The following FANCI variants were observed in gnomAD, a reference collection of about 807,000 sequenced individuals.
The protein encoded by FANCI is Fanconi anemia group I protein.
FANCI carries 156 observed loss-of-function variants against 176.1 expected under a neutral mutation model. The ratio of observed to expected loss-of-function variants is 0.89; its 90% CI spans 0.78 to 1.01. The LOEUF (loss-of-function observed/expected upper bound fraction) is 1.01, where lower values mean the gene tolerates loss of function less well. Among genes scored for constraint, FANCI ranks in the 50% least tolerant of loss-of-function variants. The probability of loss-of-function intolerance (pLI) is 0.00; values close to 1 mark genes in which losing one functional copy is unlikely to be tolerated. For missense variants in FANCI, 1,678 were observed against 1,534.1 expected, an observed-to-expected ratio of 1.09 and a Z score of -1.57; for synonymous variants, 613 against 541.7, an observed-to-expected ratio of 1.13 and a Z score of -1.83.
intron 13 of FANCI, 146 bp from the exon 14 acceptor site, chr15:89,278,539 TTC>T (rs2053491952): frequency 1.5e-6 from 1 of 670,714 alleles, no homozygotes; most frequent in Non-Finnish European, 2.7e-6. Context: ...AGTTGAGTGA[TTC>T]TGTCTTTCCA....
At position 89,290,864 on chromosome 15, in the gene FANCI, T is replaced by A. The variant is rs2054037671; in HGVS notation, c.1890+583T>A. On this transcript the variant is annotated intron_variant, in intron 19 of 37. Coordinates refer to ENST00000310775, the MANE Select transcript of FANCI (RefSeq NM_001113378.2). ...TATGAAATTTCATTTAAAATTAAGGTCTCAGATGTGTGAAATTATTGGAAG... is the reference window on the plus strand; with the variant it reads ...TATGAAATTTCATTTAAAATTAAGGACTCAGATGTGTGAAATTATTGGAAG... 3.3e-5 allele frequency among the ~76,000 whole-genome samples: 5 copies of A among 152,188 alleles called. No homozygotes were observed. In the South Asian group the frequency reaches 1.0e-3, roughly 31 times the overall value.
At chr15:89,274,984 T>C (rs1200391264) in intron 12 of FANCI, among the ~76,000 whole-genome samples, 3 of 151,942 alleles carry the variant, frequency 2.0e-5, no homozygotes, top group South Asian at 2.1e-4. Flanking sequence ...GGCTCTATTA[T>C]AGCACGGTAA....
At position 89,264,511 on chromosome 15, in the gene FANCI, A is replaced by G; in HGVS notation, c.670-11A>G. ...AATTGGGAGACCTTACCAATTTTGT[A>G]TTGTTTTCAGGGAAGCAGAAAGAGT... On this transcript the variant is annotated splice_polypyrimidine_tract_variant and intron_variant, in intron 8 of 37. Transcript: ENST00000310775. The G allele has an allele frequency of 6.2e-7, 1 of 1,612,834 alleles. No individual in the cohort carries two copies. Among genetic ancestry groups the G allele is most frequent in the Non-Finnish European group, 8.5e-7 (1 of 1,179,006 alleles).
intron 35 of FANCI, among the ~76,000 whole-genome samples, chr15:89,314,179 G>GACACACAC (rs112695755): frequency 2.5e-5 from 3 of 119,916 alleles, no homozygotes; most frequent in African/African-American, 9.5e-5. Context: ...TAGGGGGAAA[G>GACACACAC]ACACACACAC....
At chr15:89,311,652 A>C (rs1179046976) in intron 34 of FANCI, among the ~76,000 whole-genome samples, 1 of 152,150 alleles carries the variant, frequency 6.6e-6, no homozygotes, top group Non-Finnish European at 1.5e-5. Flanking sequence ...TCCAGGGCCA[A>C]AAACAGATTA....
intron 6 of FANCI, among the ~76,000 whole-genome samples, chr15:89,262,981 C>A (rs12915285): frequency 0.46 from 69,789 of 152,164 alleles, 16,848 homozygotes; most frequent in African/African-American, 0.62. Flanking sequence ...GGATCCTCCT[C>A]CTTTGGCCTC....
intron 17 of FANCI, 53 bp downstream of exon 17, chr15:89,283,303 G>A (rs556480802): frequency 2.5e-6 from 4 of 1,610,856 alleles, no homozygotes; most frequent in East Asian, 4.5e-5. Context: ...CATGTGCATC[G>A]ATGAAATGCA....
At chr15:89,309,596 G>A (rs1400561760) in intron 34 of FANCI, among the ~76,000 whole-genome samples, 1 of 151,994 alleles carries the variant, frequency 6.6e-6, no homozygotes, top group African/African-American at 2.4e-5. Flanking sequence ...CCAGGTGTTT[G>A]CCTATAGTCC....
chr15:89,245,334 A>ATTTTTTTTTTTTTTTTTTT (rs869076373), intron 1 of FANCI: 3 of 36,148 alleles, frequency 8.3e-5, no homozygotes, highest in Non-Finnish European at 1.7e-4. Flanking sequence ...ACGCCCAGCT[A>ATTTTTTTTTTTTTTTTTTT]TTTTTTTTTT....
chr15:89,315,482 G>A, intron 37 of FANCI, 93 bp downstream of exon 37: 3 of 840,598 alleles, frequency 3.6e-6, no homozygotes, highest in Non-Finnish European at 6.1e-6. Flanking sequence ...AAGGGCAACA[G>A]AATGGGAAAG....
intron 9 of FANCI, among the ~76,000 whole-genome samples, chr15:89,265,204 T>G (rs2052888499): frequency 6.6e-6 from 1 of 152,126 alleles, no homozygotes; most frequent in Admixed American, 6.5e-5. Context: ...GGGTTTTTTT[T>G]GTTTCATTTT....
intron 9 of FANCI, among the ~76,000 whole-genome samples, chr15:89,267,555 T>C (rs954430788): frequency 3.3e-5 from 5 of 152,010 alleles, no homozygotes; most frequent in Admixed American, 2.6e-4. Context: ...CTGATTGAAT[T>C]GGATTGTACT....
chr15:89,314,979 GGTTT>G (rs752238559), intron 36 of FANCI, among the ~76,000 whole-genome samples: 63 of 151,628 alleles, frequency 4.2e-4, no homozygotes, highest in Non-Finnish European at 7.4e-4. Flanking sequence ...TAGTTTTTTG[GGTTT>G]GTTTTTGTAG....
chr15:89,266,046 G>C (rs1268337046), intron 9 of FANCI, among the ~76,000 whole-genome samples: 1 of 149,716 alleles, frequency 6.7e-6, no homozygotes, highest in Non-Finnish European at 1.5e-5. Context: ...GTCCAGGTTG[G>C]AGTACAGTGG....
intron 2 of FANCI, among the ~76,000 whole-genome samples, chr15:89,251,528 A>G (rs561589898): frequency 5.3e-5 from 8 of 152,332 alleles, no homozygotes; most frequent in African/African-American, 1.2e-4. Context: ...TTTATCAGGT[A>G]TAACCTTAAA....
At chr15:89,287,999 GAGACATGC>G (rs1330649626) in intron 18 of FANCI, among the ~76,000 whole-genome samples, 3 of 152,226 alleles carry the variant, frequency 2.0e-5, no homozygotes, top group African/African-American at 7.2e-5. Flanking sequence ...ATGTGACACA[GAGACATGC>G]AGTGAGCACA....
intron 19 of FANCI, 54 bp downstream of exon 19, chr15:89,290,335 C>A (rs534502418): frequency 3.0e-6 from 4 of 1,351,298 alleles, no homozygotes; most frequent in African/African-American, 2.9e-5. Flanking sequence ...GATCGAGAGA[C>A]AGTTGATGGT....
At chr15:89,273,596 A>C in intron 11 of FANCI, 127 bp downstream of exon 11, 1 of 671,604 alleles carries the variant, frequency 1.5e-6, no homozygotes, top group Non-Finnish European at 2.7e-6. Context: ...TCCTGCCAGC[A>C]GCAAAGCTGC....
intron 13 of FANCI, among the ~76,000 whole-genome samples, chr15:89,278,456 G>A (rs1052152300): frequency 6.6e-6 from 1 of 152,178 alleles, no homozygotes; most frequent in Non-Finnish European, 1.5e-5. Flanking sequence ...AGTTTAATGT[G>A]ATCTGTACTT....
Sources: gnomAD v4.1 joint callset for allele counts (sites outside exome capture counted in the v4.1 genomes callset) on GRCh38, gnomAD v4.1.1 for gene constraint, MANE v1.5 for transcripts, NCBI Gene and HGNC (gene_info 2026-07-23, HGNC 2026-07-21) for gene names.